The following CCDC70 variants were observed in gnomAD, a reference collection of about 807,000 sequenced individuals.
CCDC70 encodes the protein coiled-coil domain-containing protein 70.
CCDC70 carries 4 observed loss-of-function variants against 9.1 expected under a neutral mutation model. That is an observed-to-expected ratio of 0.44 (90% CI 0.22 to 1.00). The LOEUF is 1.00. CCDC70 is among the 50% of genes least tolerant of loss of function. CCDC70 has a pLI of 0.25. For missense variants in CCDC70, 308 were observed against 271.3 expected, an observed-to-expected ratio of 1.14 and a Z score of -0.95; for synonymous variants, 119 against 94.0, an observed-to-expected ratio of 1.27 and a Z score of -1.54.
Position 51,865,362 on chromosome 13 carries a change from G to A in CCDC70, c.-50G>A. On this transcript the variant is annotated 5_prime_UTR_variant, in exon 2 of 2. Transcript: ENST00000242819. Reference sequence around the variant, plus strand: ...GACCAGCCGACCTGGACCTGGCCAAGGGTCCTGTCATCCCTCATGGCCACC... The same window carrying A: ...GACCAGCCGACCTGGACCTGGCCAAAGGTCCTGTCATCCCTCATGGCCACC... The A allele has an allele frequency of 6.4e-7, 1 of 1,561,300 alleles. No individual in the cohort carries two copies. The highest frequency in any genetic ancestry group is 8.7e-7 in the Non-Finnish European group (1 of 1,155,522).
chr13:51,862,747 A>G (rs1956391217), intron 1 of CCDC70, among the ~76,000 whole-genome samples: 1 of 152,078 alleles, frequency 6.6e-6, no homozygotes, highest in Non-Finnish European at 1.5e-5. Context: ...ATCCAGGGAG[A>G]GGGGGCCAGC....
In CCDC70 at chr13:51,866,068, A is replaced by G; in HGVS notation, c.657A>G (p.Arg219=). The G allele has an allele frequency of 6.3e-7, 1 of 1,578,244 alleles. No individual in the cohort carries two copies. The highest frequency in any genetic ancestry group is 8.6e-7 in the Non-Finnish European group (1 of 1,164,948). ...NRGQRLLAFS[R]GRA is the part of the protein sequence containing the mutation. ...GGCAGCGCTTGCTGGCCTTCTCCCG[A>G]GGCAGGGCGTAGCCAGCATGCAGGT... The change falls in exon 2 of 2, where the codon CGA becomes CGG. Residue 219 remains arginine, a synonymous_variant. Coordinates refer to ENST00000242819, the MANE Select transcript of CCDC70 (RefSeq NM_031290.4).
At position 51,865,876 on chromosome 13, in the gene CCDC70, G is replaced by C; in HGVS notation, c.465G>C (p.Glu155Asp). 6.2e-7 allele frequency: 1 copy of C among 1,613,580 alleles called. No individual in the cohort carries two copies. The highest frequency in any genetic ancestry group is 8.5e-7 in the Non-Finnish European group (1 of 1,179,882). Residue 155 changes from glutamate (E) to aspartate (D), a missense_variant, in exon 2 of 2, where the codon GAG becomes GAC. Transcript: ENST00000242819. ...LWEEEKALWVEERALLEGEKA... is the reference protein window; with the variant it reads ...LWEEEKALWVDERALLEGEKA... The stretch of plus-strand genomic sequence containing the variant: ...AGGAAGAAAAGGCCCTGTGGGTAGA[G>C]GAAAGAGCCCTCCTTGAGGGGGAGA...
In CCDC70 at chr13:51,865,453, C is replaced by T; in HGVS notation, c.42C>T (p.Cys14=). The change falls in exon 2 of 2, where the codon TGC becomes TGT. Residue 14 remains cysteine, a synonymous_variant. Coordinates refer to ENST00000242819, the MANE Select transcript of CCDC70 (RefSeq NM_031290.4). ...FKVSRWMGLA[C]FRSLAASSPS... ...TGAGCAGATGGATGGGGCTTGCCTGCTTCCGGTCCCTGGCGGCATCCTCTC... is the reference window on the plus strand; with the variant it reads ...TGAGCAGATGGATGGGGCTTGCCTGTTTCCGGTCCCTGGCGGCATCCTCTC... The T allele has an allele frequency of 6.2e-7, 1 of 1,614,090 alleles. No individual in the cohort carries two copies. Among genetic ancestry groups the T allele is most frequent in the Non-Finnish European group, 8.5e-7 (1 of 1,179,978 alleles).
At chr13:51,863,463 G>C (rs528747085) in intron 1 of CCDC70, among the ~76,000 whole-genome samples, 58 of 152,138 alleles carry the variant, frequency 3.8e-4, no homozygotes, top group Non-Finnish European at 7.5e-4. Flanking sequence ...TGGCTGTCAT[G>C]GGGGAGATGG....
rs34322019 is a variant in CCDC70 at position 51,862,181 on chromosome 13, GC to G, written c.-124del. ...GGATCTGACATGACAATGGCCGCCT[GC>G]CCCCTCTGAGGGCTACAGGACTTAC... On this transcript the variant is annotated 5_prime_UTR_variant, in exon 1 of 2. The change abolishes the stop of an existing upstream ORF in the 5' untranslated region. Coordinates refer to ENST00000242819, the MANE Select transcript of CCDC70 (RefSeq NM_031290.4). The G allele has an allele frequency of 1.3e-5, 2 of 152,248 alleles. No individual in the cohort carries two copies. The highest frequency in any genetic ancestry group is 2.9e-5 in the Non-Finnish European group (2 of 68,092). The allele number at this position is 152,248 out of a possible 1,614,324, so 9.4% of individuals were successfully genotyped here. A position where few individuals can be genotyped will look rare whatever the true frequency, so the allele number is the denominator to read the frequency against.
At chr13:51,863,624 C>A (rs1312994251) in intron 1 of CCDC70, among the ~76,000 whole-genome samples, 2 of 151,690 alleles carry the variant, frequency 1.3e-5, no homozygotes, top group African/African-American at 4.9e-5. Context: ...GTGATGCCAC[C>A]AGCTGTCCAC....
At chr13:51,864,381 C>G (rs1956404638) in intron 1 of CCDC70, among the ~76,000 whole-genome samples, 1 of 152,218 alleles carries the variant, frequency 6.6e-6, no homozygotes, top group Non-Finnish European at 1.5e-5. Context: ...AACTATTACT[C>G]TGACTTTGGG....
chr13:51,864,509 C>T (rs1267807063), intron 1 of CCDC70, among the ~76,000 whole-genome samples: 1 of 152,242 alleles, frequency 6.6e-6, no homozygotes, highest in Non-Finnish European at 1.5e-5. Context: ...TTCTCTCTTT[C>T]AGCATTGGGT....
Position 51,865,352 on chromosome 13 carries a change from A to G in CCDC70, c.-60A>G. On this transcript the variant is annotated 5_prime_UTR_variant, in exon 2 of 2. Coordinates refer to ENST00000242819, the MANE Select transcript of CCDC70 (RefSeq NM_031290.4). ...CACAGGGTCTGACCAGCCGACCTGG[A>G]CCTGGCCAAGGGTCCTGTCATCCCT... is the stretch of plus-strand genomic sequence containing the variant. 1.3e-6 allele frequency: 2 copies of G among 1,548,450 alleles called. No homozygotes were observed. The highest frequency in any genetic ancestry group is 1.2e-5 in the South Asian group (1 of 80,082).
At chr13:51,864,889 C>T (rs1956408174) in intron 1 of CCDC70, among the ~76,000 whole-genome samples, 1 of 152,210 alleles carries the variant, frequency 6.6e-6, no homozygotes, top group Non-Finnish European at 1.5e-5. Context: ...TCCTCCTCCC[C>T]TCTGAGGTCA....
intron 1 of CCDC70, among the ~76,000 whole-genome samples, chr13:51,863,298 C>T (rs1956394976): frequency 6.6e-6 from 1 of 152,154 alleles, no homozygotes; most frequent in African/African-American, 2.4e-5. Flanking sequence ...CAGCTTTGAT[C>T]TTTGGGCTAC....
In CCDC70 at chr13:51,865,371, C is replaced by T. The variant is rs1307044635; in HGVS notation, c.-41C>T. 3 of 1,574,252 alleles carry T rather than the reference C, an allele frequency of 1.9e-6. No homozygotes were observed. Among genetic ancestry groups the T allele is most frequent in the Non-Finnish European group, 2.6e-6 (3 of 1,160,708 alleles). On this transcript the variant is annotated 5_prime_UTR_variant, in exon 2 of 2. Coordinates refer to ENST00000242819, the MANE Select transcript of CCDC70 (RefSeq NM_031290.4). ...ACCTGGACCTGGCCAAGGGTCCTGT[C>T]ATCCCTCATGGCCACCCCGCCATTC... is the stretch of plus-strand genomic sequence containing the variant.
chr13:51,865,685 G>A lies in CCDC70; in HGVS notation c.274G>A (p.Glu92Lys), dbSNP rs374123330. ...GGAAGAGGAGAAAACCTTCTGGAAAGAGGAAAAATCCTTCTGGGAAATGGA... is the reference window on the plus strand; with the variant it reads ...GGAAGAGGAGAAAACCTTCTGGAAAAAGGAAAAATCCTTCTGGGAAATGGA... ...FWEEEKTFWK[E>K]EKSFWEMEKS... The change falls in exon 2 of 2, where the codon GAG (glutamate) becomes AAG (lysine). Residue 92 changes from glutamate (E) to lysine (K), a missense_variant. Coordinates refer to ENST00000242819, the MANE Select transcript of CCDC70 (RefSeq NM_031290.4). 2 of 1,614,074 alleles carry A rather than the reference G, an allele frequency of 1.2e-6. No homozygotes were observed. Among genetic ancestry groups the A allele is most frequent in the Admixed American group, 1.7e-5 (1 of 60,006 alleles).
intron 1 of CCDC70, among the ~76,000 whole-genome samples, chr13:51,864,082 C>T (rs911440138): frequency 6.6e-6 from 1 of 150,744 alleles, no homozygotes; most frequent in Non-Finnish European, 1.5e-5. Context: ...TCCCTCCCTC[C>T]CTTCCTTCCC....
Position 51,862,571 on chromosome 13 carries a change from T to C in CCDC70, c.-81+342T>C, listed in dbSNP as rs546909799. On this transcript the variant is annotated intron_variant, in intron 1 of 1. Coordinates refer to ENST00000242819, the MANE Select transcript of CCDC70 (RefSeq NM_031290.4). Reference sequence around the variant, plus strand: ...TACTATTTCCTGAACACCTATCCTGTGGCAGAACATTTCGCTGGATGCCAG... The same window carrying C: ...TACTATTTCCTGAACACCTATCCTGCGGCAGAACATTTCGCTGGATGCCAG... Among the ~76,000 whole-genome samples the C allele has an allele frequency of 9.2e-5, 14 of 152,324 alleles. No homozygotes were observed. The South Asian group carries it at 2.9e-3, about 32-fold the overall frequency.
At chr13:51,865,030 G>A (rs1247373725) in intron 1 of CCDC70, among the ~76,000 whole-genome samples, 12 of 152,178 alleles carry the variant, frequency 7.9e-5, no homozygotes, top group Non-Finnish European at 1.3e-4. Flanking sequence ...TTTAACAAAC[G>A]TAAATTCTTC....
chr13:51,866,102 C>A lies in CCDC70; in HGVS notation c.*22C>A, dbSNP rs1956423525. ...GTAGCCAGCATGCAGGTGCAGGGCC[C>A]TGTGGTCCAGACTCCCCTGGGTTGG... On this transcript the variant is annotated 3_prime_UTR_variant, in exon 2 of 2. Coordinates refer to ENST00000242819, the MANE Select transcript of CCDC70 (RefSeq NM_031290.4). 2.6e-6 allele frequency: 4 copies of A among 1,536,612 alleles called. No individual in the cohort carries two copies. The highest frequency in any genetic ancestry group is 3.5e-6 in the Non-Finnish European group (4 of 1,144,774).
In CCDC70 at chr13:51,865,388, C is replaced by T. The variant is rs772830804; in HGVS notation, c.-24C>T. ...GGTCCTGTCATCCCTCATGGCCACC[C>T]CGCCATTCCGGCTGATAAGGAAGAT... On this transcript the variant is annotated 5_prime_UTR_variant, in exon 2 of 2. Transcript: ENST00000242819. The T allele has an allele frequency of 2.8e-5, 45 of 1,592,826 alleles. No individual in the cohort carries two copies. In the African/African-American group the frequency reaches 2.8e-4, roughly 10 times the overall value.
Sources: gnomAD v4.1 joint callset for allele counts (sites outside exome capture counted in the v4.1 genomes callset) on GRCh38, gnomAD v4.1.1 for gene constraint, MANE v1.5 for transcripts, NCBI Gene and HGNC (gene_info 2026-07-23, HGNC 2026-07-21) for gene names.